Variants in SLIT3 observed in about 807,000 individuals in gnomAD.
SLIT3 encodes the protein slit guidance ligand 3.
In SLIT3, 68 loss-of-function variants were observed where a neutral mutation model predicts 184.0. The ratio of observed to expected loss-of-function variants is 0.37; its 90% CI spans 0.30 to 0.45. The LOEUF (loss-of-function observed/expected upper bound fraction) is 0.45. SLIT3 is among the 20% of genes least tolerant of loss of function. SLIT3 has a pLI of 1.00. For synonymous variants in SLIT3, 831 were observed against 828.6 expected (o/e 1.00, Z -0.05); for missense variants, 1,707 against 2,026.0 (o/e 0.84, Z 3.02).
chr5:169,284,931 G>A (rs1304705995), intron 1 of SLIT3, among the ~76,000 whole-genome samples: 1 of 151,484 alleles, frequency 6.6e-6, no homozygotes, highest in East Asian at 1.9e-4. Context: ...TTTTCTTGGA[G>A]ACAGGGTCAC....
At chr5:169,051,562 A>C (rs778389945) in intron 4 of SLIT3, among the ~76,000 whole-genome samples, 2 of 152,208 alleles carry the variant, frequency 1.3e-5, no homozygotes, top group African/African-American at 4.8e-5. Flanking sequence ...TTCCCTTTAA[A>C]AATTAAAAGG....
At chr5:168,737,581 C>T (rs1763479898) in intron 20 of SLIT3, among the ~76,000 whole-genome samples, 1 of 152,162 alleles carries the variant, frequency 6.6e-6, no homozygotes, top group South Asian at 2.1e-4. Flanking sequence ...TGTCATCCTT[C>T]CCCCCTCTTT....
At chr5:168,767,298 C>T (rs1755380446) in intron 14 of SLIT3, among the ~76,000 whole-genome samples, 2 of 152,164 alleles carry the variant, frequency 1.3e-5, no homozygotes, top group East Asian at 3.9e-4. Context: ...AAGTTCCCAC[C>T]TTAGCTCTCT....
At chr5:168,934,412 G>C (rs1234466484) in intron 4 of SLIT3, among the ~76,000 whole-genome samples, 1 of 152,170 alleles carries the variant, frequency 6.6e-6, no homozygotes, top group Non-Finnish European at 1.5e-5. Flanking sequence ...CTATGGGAGA[G>C]AAATTGCTAA....
chr5:169,263,713 C>T (rs556605511), intron 1 of SLIT3: 1 of 509,984 alleles, frequency 2.0e-6, no homozygotes, highest in Admixed American at 2.1e-5. Context: ...CTGCAGCCTC[C>T]CCCAGCTGCT....
intron 3 of SLIT3, among the ~76,000 whole-genome samples, chr5:169,243,556 G>A (rs1010464855): frequency 7.9e-5 from 12 of 152,302 alleles, no homozygotes; most frequent in Non-Finnish European, 1.2e-4. Context: ...CAACAGAGAG[G>A]GAGGAAAGCA....
rs1032127868 is a variant in SLIT3 at position 168,998,519 on chromosome 5, T to C, written c.414-115183A>G. Among the ~76,000 whole-genome samples, 25 of 151,884 alleles carry C rather than the reference T, an allele frequency of 1.6e-4. No individual in the cohort carries two copies. The South Asian group carries it at 4.4e-3, about 27-fold the overall frequency. ...AGGAGTTCGAGACCAGCCTGGCCAA[T>C]ATGGTGAAACCCCGTCTCTACTAAA... On this transcript the variant is annotated intron_variant, in intron 4 of 35. Coordinates refer to ENST00000519560, the MANE Select transcript of SLIT3 (RefSeq NM_003062.4).
chr5:169,238,116 T>C (rs1765264598), intron 3 of SLIT3, among the ~76,000 whole-genome samples: 1 of 152,230 alleles, frequency 6.6e-6, no homozygotes, highest in African/African-American at 2.4e-5. Context: ...TTACTATAGC[T>C]TTACAGTAAG....
chr5:169,012,887 A>AC (rs1756209657), intron 4 of SLIT3: 1 of 152,236 alleles, frequency 6.6e-6, no homozygotes, highest in Admixed American at 6.5e-5. Context: ...AGCCTGGGCC[A>AC]CTTATCTAAC....
chr5:168,918,499 T>C (rs953614370), intron 4 of SLIT3, among the ~76,000 whole-genome samples: 1 of 152,202 alleles, frequency 6.6e-6, no homozygotes, highest in Non-Finnish European at 1.5e-5. Context: ...TGCACTAAGG[T>C]GAGGGTTTGA....
intron 34 of SLIT3, 35 bp from the exon 35 acceptor site, chr5:168,670,026 A>G: frequency 6.3e-7 from 1 of 1,594,788 alleles, no homozygotes; most frequent in Non-Finnish European, 8.6e-7. Context: ...AGGGAACTGG[A>G]TCAGAGTTGG....
chr5:168,748,403 CG>C lies in SLIT3; in HGVS notation c.2168del (p.Pro723ArgfsTer32). ...GNEESSCQLS[P>X]RCPEQCTCME... Reference sequence around the variant, plus strand: ...TACAGGTGCACTGCTCCGGGCAGCGCGGGCTCAGCTGGCAGCTACTCTCCTC... The same window carrying C: ...TACAGGTGCACTGCTCCGGGCAGCGCGGCTCAGCTGGCAGCTACTCTCCTC... On this transcript the variant is annotated frameshift_variant, in exon 20 of 36. Transcript: ENST00000519560. LOFTEE classifies it high-confidence loss of function. 6.6e-7 allele frequency: 1 copy of C among 1,522,682 alleles called. No homozygotes were observed. The highest frequency in any genetic ancestry group is 8.7e-7 in the Non-Finnish European group (1 of 1,146,970). 94.3% of individuals were successfully genotyped at this position (1,522,682 alleles called of 1,614,324 possible). A position where few individuals can be genotyped will look rare whatever the true frequency, so the allele number is the denominator to read the frequency against.
intron 4 of SLIT3, among the ~76,000 whole-genome samples, chr5:169,112,540 T>A (rs1415246428): frequency 6.6e-6 from 1 of 152,118 alleles, no homozygotes; most frequent in Non-Finnish European, 1.5e-5. Context: ...CCCAGGTCAC[T>A]AATAGTGTGA....
At chr5:169,035,509 C>T (rs181852910) in intron 4 of SLIT3, among the ~76,000 whole-genome samples, 58 of 152,014 alleles carry the variant, frequency 3.8e-4, no homozygotes, top group Admixed American at 3.5e-3. Context: ...ATTAGCCAGG[C>T]GTGGTGGCGG....
At chr5:168,749,229 A>C (rs1754611095) in intron 19 of SLIT3, among the ~76,000 whole-genome samples, 1 of 152,212 alleles carries the variant, frequency 6.6e-6, no homozygotes, top group Non-Finnish European at 1.5e-5. Flanking sequence ...TAATGAAATC[A>C]ATATATTATG....
intron 5 of SLIT3, among the ~76,000 whole-genome samples, chr5:168,873,353 G>A (rs768330348): frequency 3.3e-5 from 5 of 151,936 alleles, no homozygotes; most frequent in African/African-American, 7.3e-5. Context: ...ACATATGGCC[G>A]GTATAGTGAC....
chr5:168,673,150 A>C (rs376712871), intron 33 of SLIT3, 27 bp downstream of exon 33: 2 of 1,610,332 alleles, frequency 1.2e-6, no homozygotes, highest in Non-Finnish European at 1.7e-6. Flanking sequence ...AGAGGGAGGT[A>C]GAGGTGGTAG....
intron 5 of SLIT3, among the ~76,000 whole-genome samples, chr5:168,863,402 G>C (rs1759182564): frequency 6.6e-6 from 1 of 152,216 alleles, no homozygotes; most frequent in African/African-American, 2.4e-5. Flanking sequence ...ATTTTCCAAA[G>C]GTCATGGGGT....
At chr5:169,007,635 T>G (rs1755984123) in intron 4 of SLIT3, among the ~76,000 whole-genome samples, 1 of 152,246 alleles carries the variant, frequency 6.6e-6, no homozygotes, top group Non-Finnish European at 1.5e-5. Context: ...TCTGCTTCAC[T>G]GAATATACAC....
Sources: gnomAD v4.1 joint callset for allele counts (sites outside exome capture counted in the v4.1 genomes callset) on GRCh38, gnomAD v4.1.1 for gene constraint, MANE v1.5 for transcripts, NCBI Gene and HGNC (gene_info 2026-07-23, HGNC 2026-07-21) for gene names.